Variants in CCDC197 observed in about 807,000 individuals in gnomAD.
The protein encoded by CCDC197 is uncharacterized protein CCDC197.
In CCDC197, 24 loss-of-function variants were observed where a neutral mutation model predicts 13.4. That is an observed-to-expected ratio of 1.80 (90% confidence interval 1.30 to 2.53). The LOEUF (loss-of-function observed/expected upper bound fraction) is 2.53, where lower values mean the gene tolerates loss of function less well. Ranked by LOEUF, CCDC197 falls within the 30% of genes most tolerant of loss-of-function variation. CCDC197 has a pLI of 0.00. For synonymous variants in CCDC197, 99 were observed against 55.5 expected, an observed-to-expected ratio of 1.78 and a Z score of -3.48; for missense variants, 255 against 148.8, an observed-to-expected ratio of 1.71 and a Z score of -3.71.
At chr14:94,001,439 G>C (rs1001369922) in intron 4 of CCDC197, 116 bp downstream of exon 4, 8 of 557,034 alleles carry the variant, frequency 1.4e-5, no homozygotes, top group African/African-American at 1.1e-4. Context: ...CGTAATGCTG[G>C]GGGGCCCTCG....
Position 93,999,452 on chromosome 14 carries a change from G to A in CCDC197, c.105-131G>A, listed in dbSNP as rs1465884853. ...GAGACTCCTAAGTCTATGGCCAACT[G>A]ATAAAGTGGTACGTGGCCGGCCCAG... is the stretch of plus-strand genomic sequence containing the variant. On this transcript the variant is annotated intron_variant, in intron 2 of 6. Transcript: ENST00000636493. 4.5e-6 allele frequency: 3 copies of A among 659,684 alleles called. No individual in the cohort carries two copies. The African/African-American group carries it at 5.4e-5, about 12-fold the overall frequency. 40.9% of individuals were successfully genotyped at this position (659,684 alleles called of 1,614,324 possible).
intron 1 of CCDC197, 82 bp from the exon 2 acceptor site, chr14:93,997,917 C>A (rs1360799649): frequency 1.7e-6 from 1 of 579,154 alleles, no homozygotes; most frequent in Non-Finnish European, 3.1e-6. Flanking sequence ...ATTTAATGAG[C>A]CCTGGGTCCT....
chr14:93,998,321 G>A lies in CCDC197; in HGVS notation c.104+86G>A, dbSNP rs28687965. ...GGCTGGACTTAGCAAACATGTCCCC[G>A]AGGAGGCCAGGACAGGGGGTGGATG... On this transcript the variant is annotated intron_variant, in intron 2 of 6. Coordinates refer to ENST00000636493, the MANE Select transcript of CCDC197 (RefSeq NM_001351596.2). 1.2e-3 allele frequency: 886 copies of A among 713,088 alleles called. 6 individuals carry two copies. The African/African-American group carries it at 0.014, about 11-fold the overall frequency. 44.2% of individuals were successfully genotyped at this position (713,088 alleles called of 1,614,324 possible). A position where few individuals can be genotyped will look rare whatever the true frequency, so the allele number is the denominator to read the frequency against.
At chr14:94,006,356 A>T (rs1342136430) in intron 6 of CCDC197, among the ~76,000 whole-genome samples, 1 of 142,630 alleles carries the variant, frequency 7.0e-6, no homozygotes. Context: ...GATTATTTGT[A>T]TTTTTTTTTT....
chr14:93,989,506 G>A (rs1183427480), intron 1 of CCDC197, among the ~76,000 whole-genome samples: 1 of 152,142 alleles, frequency 6.6e-6, no homozygotes, highest in Non-Finnish European at 1.5e-5. Flanking sequence ...CACATGGATG[G>A]CCTTTCTCCT....
At chr14:94,008,269 C>T (rs537748461) in intron 6 of CCDC197, among the ~76,000 whole-genome samples, 24 of 152,296 alleles carry the variant, frequency 1.6e-4, no homozygotes, top group African/African-American at 5.1e-4. Context: ...CCTTAAGAAA[C>T]GAATGCCCTT....
upstream of CCDC197, among the ~76,000 whole-genome samples, chr14:93,995,349 G>A (rs1377742904): frequency 6.6e-6 from 1 of 152,200 alleles, no homozygotes; most frequent in Non-Finnish European, 1.5e-5. Context: ...TGAAGACTTG[G>A]GGGTGATGGG....
At position 94,004,904 on chromosome 14, in the gene CCDC197, A is replaced by G; in HGVS notation, c.548A>G (p.Gln183Arg). The change falls in exon 6 of 7, where the codon CAG (glutamine) becomes CGG (arginine). Residue 183 changes from glutamine (Q) to arginine (R), a missense_variant. Coordinates refer to ENST00000636493, the MANE Select transcript of CCDC197 (RefSeq NM_001351596.2). ...MQMTITNMAR[Q>R]CCPSAHGVPK... ...ATGACCATCACCAACATGGCCCGGC[A>G]GTGCTGCCCCTCTGCCCACGGCGTG... 1.4e-6 allele frequency: 1 copy of G among 702,992 alleles called. No homozygotes were observed. The allele number at this position is 702,992 out of a possible 1,614,324, so 43.5% of individuals were successfully genotyped here.
chr14:94,001,627 G>A (rs917461121), intron 4 of CCDC197: 12 of 264,692 alleles, frequency 4.5e-5, no homozygotes, highest in Non-Finnish European at 6.4e-5. Flanking sequence ...CTAGTTTGTA[G>A]CCTCTCTGAG....
chr14:93,989,200 T>C (rs1890165040), intron 1 of CCDC197, among the ~76,000 whole-genome samples: 1 of 152,010 alleles, frequency 6.6e-6, no homozygotes, highest in Admixed American at 6.5e-5. Flanking sequence ...CCGCAGACCC[T>C]AGGGAGTTAG....
At chr14:93,999,868 C>T (rs1890440647) in intron 3 of CCDC197, among the ~76,000 whole-genome samples, 1 of 152,204 alleles carries the variant, frequency 6.6e-6, no homozygotes, top group Non-Finnish European at 1.5e-5. Flanking sequence ...TCCACTGTCG[C>T]TAACAGTGTG....
chr14:94,000,287 T>G (rs147804253), intron 3 of CCDC197, among the ~76,000 whole-genome samples: 3 of 152,370 alleles, frequency 2.0e-5, no homozygotes, highest in Admixed American at 6.5e-5. Context: ...TTTGCACTAC[T>G]GTGTCACTCA....
At chr14:94,005,039 T>G (rs1176529662) in intron 6 of CCDC197, 68 bp downstream of exon 6, 1 of 675,220 alleles carries the variant, frequency 1.5e-6, no homozygotes, top group Non-Finnish European at 2.7e-6. Context: ...GAGCTAGTCC[T>G]GCTCCTTAGC....
At chr14:93,995,397 C>T (rs139652932), upstream of CCDC197, among the ~76,000 whole-genome samples, 3 of 152,264 alleles carry the variant, frequency 2.0e-5, no homozygotes, top group Non-Finnish European at 4.4e-5. Context: ...AAACAAGGCC[C>T]CTACAGAATG....
chr14:93,988,390 T>G (rs1595345853), intron 1 of CCDC197, among the ~76,000 whole-genome samples: 1 of 52,140 alleles, frequency 1.9e-5, no homozygotes, highest in African/African-American at 8.6e-5. Context: ...AGAGAGGGGA[T>G]GAGAGAGGGG....
rs1277189063 is a variant in CCDC197 at position 94,003,176 on chromosome 14, C to A, written c.367-47C>A. 1.3e-6 allele frequency: 1 copy of A among 767,272 alleles called. No homozygotes were observed. The highest frequency in any genetic ancestry group is 1.4e-5 in the South Asian group (1 of 72,074). The allele number at this position is 767,272 out of a possible 1,614,324, so 47.5% of individuals were successfully genotyped here. Reference sequence around the variant, plus strand: ...CTGGGGACTCAGACCAGGGCATATGCCCTGGAGGGTTTGTTGTACCAAGAT... The same window carrying A: ...CTGGGGACTCAGACCAGGGCATATGACCTGGAGGGTTTGTTGTACCAAGAT... On this transcript the variant is annotated intron_variant, in intron 4 of 6. Coordinates refer to ENST00000636493, the MANE Select transcript of CCDC197 (RefSeq NM_001351596.2). This position sits in a 1 kb window ranked among gnomAD's most constrained non-coding sequence, Gnocchi z 5.0.
In CCDC197 at chr14:94,003,916, T is replaced by C. The variant is rs1361748276; in HGVS notation, c.498+562T>C. Among the ~76,000 whole-genome samples, 1 of 152,196 alleles carries C rather than the reference T, an allele frequency of 6.6e-6. No homozygotes were observed. The highest frequency in any genetic ancestry group is 1.5e-5 in the Non-Finnish European group (1 of 68,030). On this transcript the variant is annotated intron_variant, in intron 5 of 6. Transcript: ENST00000636493. This position sits in a 1 kb window ranked among gnomAD's most constrained non-coding sequence, Gnocchi z 5.0. ...TTGTGCCGAGCTCTTAGTCCTTGTATAATGTTTGTGGTTAATAATAAGATA... is the reference window on the plus strand; with the variant it reads ...TTGTGCCGAGCTCTTAGTCCTTGTACAATGTTTGTGGTTAATAATAAGATA...
chr14:94,004,716 A>G lies in CCDC197; in HGVS notation c.499-139A>G, dbSNP rs75947976. On this transcript the variant is annotated intron_variant, in intron 5 of 6. Coordinates refer to ENST00000636493, the MANE Select transcript of CCDC197 (RefSeq NM_001351596.2). ...CTCAACCGAGCCCCGCAGGAGAGGA[A>G]TATAGACCATGATGAGAAGGACACT... 2,442 of 604,020 alleles carry G rather than the reference A, an allele frequency of 4.0e-3. 55 individuals are homozygous for G. The African/African-American group carries it at 0.041, about 10-fold the overall frequency. 37.4% of individuals were successfully genotyped at this position (604,020 alleles called of 1,614,324 possible). A position where few individuals can be genotyped will look rare whatever the true frequency, so the allele number is the denominator to read the frequency against.
chr14:94,010,524 G>C (rs577845017), downstream of CCDC197, among the ~76,000 whole-genome samples: 1 of 152,356 alleles, frequency 6.6e-6, no homozygotes, highest in South Asian at 2.1e-4. Flanking sequence ...TTTTTAAAAG[G>C]AGAGCCAGGA....
Sources: gnomAD v4.1 joint callset for allele counts (sites outside exome capture counted in the v4.1 genomes callset) on GRCh38, gnomAD v4.1.1 for gene constraint, Gnocchi (gnomAD v3.1) non-coding constraint, MANE v1.5 for transcripts, NCBI Gene and HGNC (gene_info 2026-07-23, HGNC 2026-07-21) for gene names.